PON3: variants seen among roughly 807,000 people sequenced by gnomAD.
PON3 encodes serum paraoxonase/lactonase 3.
PON3 carries 37 observed loss-of-function variants against 36.3 expected under a neutral mutation model. The observed-to-expected ratio is 1.02, with a 90% CI of 0.78 to 1.34. PON3 has a LOEUF of 1.34. Ranked by LOEUF, PON3 falls within the 40% of genes most tolerant of loss-of-function variation. PON3 has a pLI of 0.00. For synonymous variants in PON3, 155 were observed against 154.8 expected (o/e 1.00, Z -0.01); for missense variants, 415 against 426.5 (o/e 0.97, Z 0.24).
chr7:95,375,105 G>A (rs1327317501), intron 3 of PON3, among the ~76,000 whole-genome samples: 1 of 151,852 alleles, frequency 6.6e-6, no homozygotes, highest in Non-Finnish European at 1.5e-5. Context: ...ATTCTTCTCA[G>A]TTAAGGACAT....
At chr7:95,360,886 G>A (rs1012367324) in intron 8 of PON3, among the ~76,000 whole-genome samples, 1 of 151,960 alleles carries the variant, frequency 6.6e-6, no homozygotes, top group Non-Finnish European at 1.5e-5. Context: ...TTCATCTCAG[G>A]TTTGTTAGAC....
At chr7:95,387,482 T>C (rs1585732878) in intron 3 of PON3, among the ~76,000 whole-genome samples, 1 of 151,932 alleles carries the variant, frequency 6.6e-6, no homozygotes, top group Non-Finnish European at 1.5e-5. Context: ...AAATAAAAGA[T>C]GACACAAACA....
intron 4 of PON3, among the ~76,000 whole-genome samples, chr7:95,370,177 T>C (rs1808778097): frequency 1.3e-5 from 2 of 151,978 alleles, no homozygotes; most frequent in African/African-American, 4.8e-5. Context: ...TATGAAAAAT[T>C]TGATGAAAAG....
chr7:95,378,477 G>A (rs1808970744), intron 3 of PON3, among the ~76,000 whole-genome samples: 1 of 152,076 alleles, frequency 6.6e-6, no homozygotes. Context: ...TTGAAATGAA[G>A]GACAAAATGT....
At chr7:95,383,200 T>C (rs1397873052) in intron 3 of PON3, among the ~76,000 whole-genome samples, 1 of 152,102 alleles carries the variant, frequency 6.6e-6, no homozygotes, top group Admixed American at 6.5e-5. Flanking sequence ...ATGGGACATA[T>C]CTCAAAATAA....
At chr7:95,363,722 A>G (rs768021298) in intron 6 of PON3, 141 bp downstream of exon 6, 14 of 832,028 alleles carry the variant, frequency 1.7e-5, no homozygotes, top group Non-Finnish European at 2.8e-5. Flanking sequence ...TGACAGATTT[A>G]GTGTGAACCC....
chr7:95,386,459 AT>A (rs979848683), intron 3 of PON3, among the ~76,000 whole-genome samples: 5 of 152,204 alleles, frequency 3.3e-5, no homozygotes, highest in Non-Finnish European at 7.4e-5. Flanking sequence ...GAATAGACCA[AT>A]AACAGGCTCT....
At chr7:95,368,806 A>G (rs1022503717) in intron 4 of PON3, among the ~76,000 whole-genome samples, 1 of 120,542 alleles carries the variant, frequency 8.3e-6, no homozygotes, top group African/African-American at 2.8e-5. Flanking sequence ...AACAAAAACA[A>G]AAACAAACAA....
intron 3 of PON3, among the ~76,000 whole-genome samples, chr7:95,386,640 C>T (rs1274314164): frequency 6.6e-6 from 1 of 152,156 alleles, no homozygotes; most frequent in Admixed American, 6.5e-5. Context: ...ATGAGGCTAG[C>T]ATCTTCCTGA....
chr7:95,383,587 T>C (rs1055558676), intron 3 of PON3, among the ~76,000 whole-genome samples: 1 of 152,086 alleles, frequency 6.6e-6, no homozygotes. Flanking sequence ...AAATCATGAG[T>C]GAACTCCCAT....
Position 95,362,817 on chromosome 7 carries a change from T to C in PON3, c.720A>G (p.Ala240=), listed in dbSNP as rs372873530. The change falls in exon 7 of 9, where the codon GCA becomes GCG. Residue 240 remains alanine, a synonymous_variant. Coordinates refer to ENST00000265627, the MANE Select transcript of PON3 (RefSeq NM_000940.3). Reference sequence around the variant, plus strand: ...TTTCCATTATGTGAATGTTCTTAGCTGCTACATCAGCTACATAGACATACC... The same window carrying C: ...TTTCCATTATGTGAATGTTCTTAGCCGCTACATCAGCTACATAGACATACC... ...DQKYVYVADV[A]AKNIHIMEKH... 1 of 1,611,528 alleles carries C rather than the reference T, an allele frequency of 6.2e-7. No homozygotes were observed. Among genetic ancestry groups the C allele is most frequent in the South Asian group, 1.1e-5 (1 of 91,024 alleles).
chr7:95,394,617 C>G, intron 2 of PON3, 27 bp downstream of exon 2: 1 of 1,597,912 alleles, frequency 6.3e-7, no homozygotes, highest in Non-Finnish European at 8.6e-7. Flanking sequence ...GCTGTGCTGG[C>G]TCCTCTTGGT....
intron 6 of PON3, 134 bp from the exon 7 acceptor site, chr7:95,362,975 A>G: frequency 2.9e-6 from 2 of 694,250 alleles, no homozygotes; most frequent in Non-Finnish European, 5.2e-6. Flanking sequence ...CCACAGTAAA[A>G]GAAGATAATG....
intron 4 of PON3, 149 bp downstream of exon 4, chr7:95,372,024 G>T: frequency 2.0e-6 from 2 of 998,342 alleles, no homozygotes; most frequent in Non-Finnish European, 3.0e-6. Flanking sequence ...TGTTTACAAG[G>T]TTTTATACCT....
intron 3 of PON3, chr7:95,377,454 T>G (rs1223347504): frequency 4.2e-6 from 1 of 235,818 alleles, no homozygotes; most frequent in Admixed American, 5.0e-5. Context: ...TGAGAACAGA[T>G]AGACTGTCTC....
intron 2 of PON3, 76 bp downstream of exon 2, chr7:95,394,568 G>T: frequency 7.6e-7 from 1 of 1,315,360 alleles, no homozygotes; most frequent in South Asian, 1.2e-5. Context: ...GTAATTAAAT[G>T]AGCTGGTAGG....
At chr7:95,364,171 A>G (rs761380323) in intron 5 of PON3, 108 bp from the exon 6 acceptor site, 18 of 886,348 alleles carry the variant, frequency 2.0e-5, no homozygotes, top group Admixed American at 3.7e-5. Context: ...ATCAATTTGA[A>G]AAAGGATACA....
chr7:95,391,295 GA>G lies in PON3; in HGVS notation c.146-1087del, dbSNP rs17880986. ...GGAAGCTATAGAATGGAAAGGAGTG[GA>G]AGAGAAGATACGTAGGTATTAAATA... On this transcript the variant is annotated intron_variant, in intron 2 of 8. Transcript: ENST00000265627. Among the ~76,000 whole-genome samples the G allele has an allele frequency of 1.8e-3, 270 of 152,304 alleles. 2 individuals carry two copies. The highest frequency in any genetic ancestry group is 6.8e-3 in the Middle Eastern group (2 of 294).
intron 3 of PON3, among the ~76,000 whole-genome samples, chr7:95,375,111 G>A (rs1320516346): frequency 6.6e-6 from 1 of 151,754 alleles, no homozygotes; most frequent in Non-Finnish European, 1.5e-5. Context: ...CTCAGTTAAG[G>A]ACATCACTAT....
Sources: allele counts gnomAD v4.1 joint callset (sites outside exome capture counted in the v4.1 genomes callset), GRCh38; gene constraint gnomAD v4.1.1; transcripts MANE v1.5; gene names NCBI Gene and HGNC (gene_info 2026-07-23, HGNC 2026-07-21).